The following ROBO2 variants were observed in gnomAD, a reference collection of about 807,000 sequenced individuals.
ROBO2 encodes roundabout guidance receptor 2, also known as roundabout homolog 2.
A neutral mutation model predicts 160.8 loss-of-function variants in ROBO2; 53 were observed. That is an observed-to-expected ratio of 0.33 (90% CI 0.26 to 0.41). The LOEUF (loss-of-function observed/expected upper bound fraction) is 0.41, where lower values mean the gene tolerates loss of function less well. ROBO2 is among the 10% of genes least tolerant of loss of function. The pLI, the probability that ROBO2 is intolerant of heterozygous loss-of-function variation, is 1.00. For synonymous variants in ROBO2, 664 were observed against 611.7 expected, an observed-to-expected ratio of 1.09 and a Z score of -1.26; for missense variants, 1,577 against 1,722.4, an observed-to-expected ratio of 0.92 and a Z score of 1.49.
intron 2 of ROBO2, among the ~76,000 whole-genome samples, chr3:76,636,490 A>G (rs1264428007): frequency 6.6e-6 from 1 of 152,148 alleles, no homozygotes; most frequent in African/African-American, 2.4e-5. Context: ...TTTTTCAAGA[A>G]AGATGGTTTC....
At chr3:76,480,295 C>G (rs904057446) in intron 2 of ROBO2, among the ~76,000 whole-genome samples, 7 of 152,090 alleles carry the variant, frequency 4.6e-5, no homozygotes, top group African/African-American at 1.7e-4. Flanking sequence ...AGAAAATGTG[C>G]TTTGTGCCTG....
intron 2 of ROBO2, among the ~76,000 whole-genome samples, chr3:76,206,536 T>C (rs36189206): frequency 6.6e-6 from 1 of 151,336 alleles, no homozygotes; most frequent in African/African-American, 2.4e-5. Flanking sequence ...TCAGAGTGCC[T>C]CCTTCACCAC....
At chr3:77,426,240 C>T (rs988206739) in intron 2 of ROBO2, among the ~76,000 whole-genome samples, 9 of 152,010 alleles carry the variant, frequency 5.9e-5, no homozygotes, top group African/African-American at 1.7e-4. Context: ...CTCCAAGTGC[C>T]GGCTTCATGA....
At position 77,191,934 on chromosome 3, in the gene ROBO2, C is replaced by T. The variant is rs186663046; in HGVS notation, c.388+93594C>T. Among the ~76,000 whole-genome samples the T allele has an allele frequency of 4.8e-3, 735 of 152,232 alleles. 5 individuals are homozygous for T. The highest frequency in any genetic ancestry group is 0.015 in the African/African-American group (615 of 41,548). ...CGATAAACATTATAAATAACACTTTCCCTTTAAATGTAAGATGATTGTAGA... is the reference window on the plus strand; with the variant it reads ...CGATAAACATTATAAATAACACTTTTCCTTTAAATGTAAGATGATTGTAGA... On this transcript the variant is annotated intron_variant, in intron 2 of 25. Coordinates refer to ENST00000461745, the Ensembl canonical transcript of ROBO2.
chr3:76,139,012 G>C (rs2071533183), intron 2 of ROBO2, among the ~76,000 whole-genome samples: 1 of 152,142 alleles, frequency 6.6e-6, no homozygotes, highest in Non-Finnish European at 1.5e-5. Flanking sequence ...AATGAGGCTT[G>C]CCTCTGATTT....
At chr3:76,299,585 A>G (rs1294882234) in intron 2 of ROBO2, among the ~76,000 whole-genome samples, 1 of 152,128 alleles carries the variant, frequency 6.6e-6, no homozygotes, top group East Asian at 1.9e-4. Context: ...AGATTTTGAG[A>G]AAAGATATGG....
At chr3:76,500,923 T>A (rs2080428628) in intron 2 of ROBO2, among the ~76,000 whole-genome samples, 1 of 152,168 alleles carries the variant, frequency 6.6e-6, no homozygotes, top group African/African-American at 2.4e-5. Context: ...GAATCATCAC[T>A]TGACATGTCC....
chr3:77,559,274 G>A (rs1194686251), intron 9 of ROBO2, among the ~76,000 whole-genome samples: 3 of 152,108 alleles, frequency 2.0e-5, no homozygotes, highest in African/African-American at 7.2e-5. Flanking sequence ...CACTCCAGGT[G>A]AGGGATTACA....
intron 24 of ROBO2, among the ~76,000 whole-genome samples, chr3:77,640,096 C>CTTTTTTTTTTTTTTTTTTT (rs1559785171): frequency 3.1e-5 from 3 of 97,474 alleles, no homozygotes; most frequent in Non-Finnish European, 3.9e-5. Flanking sequence ...GCAGAGGAAG[C>CTTTTTTTTTTTTTTTTTTT]ATTTTTTTTT....
intron 2 of ROBO2, among the ~76,000 whole-genome samples, chr3:77,425,532 T>C (rs983396248): frequency 2.6e-5 from 4 of 152,042 alleles, no homozygotes; most frequent in African/African-American, 9.7e-5. Flanking sequence ...GAGGTGGAAC[T>C]GTATATGCAG....
intron 2 of ROBO2, among the ~76,000 whole-genome samples, chr3:75,972,165 T>C (rs1295735368): frequency 6.6e-6 from 1 of 151,642 alleles, no homozygotes; most frequent in African/African-American, 2.4e-5. Flanking sequence ...AAAAACTATT[T>C]TGAGCAATAT....
At chr3:77,372,166 G>A (rs796351322) in intron 2 of ROBO2, among the ~76,000 whole-genome samples, 2 of 151,968 alleles carry the variant, frequency 1.3e-5, no homozygotes, top group African/African-American at 2.4e-5. Context: ...GAGGGAGAGA[G>A]TGAAGATGTG....
At chr3:76,602,245 T>A (rs2087209660) in intron 2 of ROBO2, among the ~76,000 whole-genome samples, 1 of 152,180 alleles carries the variant, frequency 6.6e-6, no homozygotes, top group South Asian at 2.1e-4. Flanking sequence ...CTAGGAAGTT[T>A]CAAACTTTCC....
At chr3:77,253,407 T>A (rs2090596933) in intron 2 of ROBO2, among the ~76,000 whole-genome samples, 1 of 152,198 alleles carries the variant, frequency 6.6e-6, no homozygotes, top group East Asian at 1.9e-4. Flanking sequence ...GTTATTCACA[T>A]AAAGACCTAT....
intron 1 of ROBO2, among the ~76,000 whole-genome samples, chr3:77,056,294 C>G (rs971664906): frequency 6.6e-6 from 1 of 152,110 alleles, no homozygotes; most frequent in Non-Finnish European, 1.5e-5. Context: ...CCCCAACCAC[C>G]GTTTGTTAAG....
chr3:76,447,668 T>C (rs1371505330), intron 2 of ROBO2, among the ~76,000 whole-genome samples: 2 of 150,664 alleles, frequency 1.3e-5, no homozygotes, highest in Non-Finnish European at 2.9e-5. Context: ...ATAGACTGGA[T>C]TAAGAAAATG....
chr3:76,845,627 C>A (rs1004473485), intron 2 of ROBO2, among the ~76,000 whole-genome samples: 2 of 151,978 alleles, frequency 1.3e-5, no homozygotes, highest in Non-Finnish European at 2.9e-5. Flanking sequence ...CCCTTTAAGC[C>A]TGCCAATACA....
At chr3:77,488,939 C>A (rs1267480926) in intron 4 of ROBO2, among the ~76,000 whole-genome samples, 1 of 152,100 alleles carries the variant, frequency 6.6e-6, no homozygotes, top group Admixed American at 6.5e-5. Context: ...AAATGTTAGG[C>A]AAACCTACAG....
chr3:76,098,917 G>A (rs2069568233), intron 2 of ROBO2, among the ~76,000 whole-genome samples: 3 of 152,072 alleles, frequency 2.0e-5, no homozygotes, highest in Non-Finnish European at 4.4e-5. Context: ...TCTTAGGCAC[G>A]ATATGAAAGC....
Sources: allele counts gnomAD v4.1 joint callset (sites outside exome capture counted in the v4.1 genomes callset), GRCh38; gene constraint gnomAD v4.1.1; transcripts MANE v1.5; gene names NCBI Gene and HGNC (gene_info 2026-07-23, HGNC 2026-07-21).